CCNG1: variants seen among roughly 807,000 people sequenced by gnomAD.
CCNG1 encodes the protein cyclin-G1.
Under a neutral mutation model 30.0 loss-of-function variants are expected in CCNG1, and 13 were observed. The observed-to-expected ratio is 0.43, with a 90% CI of 0.28 to 0.69. The LOEUF is 0.69. Among genes scored for constraint, CCNG1 ranks in the 30% least tolerant of loss-of-function variants. The pLI is 0.16. For missense variants in CCNG1, 285 were observed against 331.4 expected (o/e 0.86, Z 1.09); for synonymous variants, 110 against 121.5 (o/e 0.91, Z 0.62).
the CCNG1 span, among the ~76,000 whole-genome samples, chr5:163,454,639 C>G: frequency 6.6e-6 from 1 of 152,190 alleles, no homozygotes; most frequent in African/African-American, 2.4e-5. Flanking sequence ...TGGCGCCCAG[C>G]CTATAGCTAG....
the CCNG1 span, chr5:163,452,194 A>T: frequency 2.0e-5 from 3 of 152,236 alleles, no homozygotes; most frequent in African/African-American, 7.2e-5. Flanking sequence ...GGTTTTCAAT[A>T]TACATAGATG....
In CCNG1 at chr5:163,439,451, C is replaced by A. The variant is rs775019648; in HGVS notation, c.195C>A (p.Phe65Leu). ...EVKDLLSLTQFFGFDTETFSL... is the reference protein window; with the variant it reads ...EVKDLLSLTQLFGFDTETFSL... Reference sequence around the variant, plus strand: ...AAGATCTTCTTAGTCTAACTCAGTTCTTTGGCTTTGACACAGAGACATTTT... The same window carrying A: ...AAGATCTTCTTAGTCTAACTCAGTTATTTGGCTTTGACACAGAGACATTTT... The change falls in exon 2 of 7, where the codon TTC (phenylalanine) becomes TTA (leucine). Residue 65 changes from phenylalanine (F) to leucine (L), a missense_variant. Coordinates refer to ENST00000340828, the MANE Select transcript of CCNG1 (RefSeq NM_004060.4). The A allele has an allele frequency of 5.6e-6, 9 of 1,613,936 alleles. No homozygotes were observed. Among genetic ancestry groups the A allele is most frequent in the Non-Finnish European group, 7.6e-6 (9 of 1,179,824 alleles).
intron 1 of CCNG1, among the ~76,000 whole-genome samples, chr5:163,438,808 A>T (rs1349065135): frequency 6.6e-6 from 1 of 152,108 alleles, no homozygotes; most frequent in East Asian, 1.9e-4. Context: ...CGGGCAGATC[A>T]CAAGGCCAGG....
chr5:163,449,882 T>C (rs994402593), downstream of CCNG1: 21 of 152,086 alleles, frequency 1.4e-4, no homozygotes, highest in African/African-American at 5.1e-4. Context: ...CTACCTAAAT[T>C]TCACAGCTTA....
chr5:163,443,833 A>G lies in CCNG1; in HGVS notation c.*163A>G, dbSNP rs571492146. On this transcript the variant is annotated 3_prime_UTR_variant, in exon 7 of 7. Transcript: ENST00000340828. Reference sequence around the variant, plus strand: ...GGAAAACTGCCTAATATTATGCTGTAGTGGAATTATGTTTAGATTTGAATT... The same window carrying G: ...GGAAAACTGCCTAATATTATGCTGTGGTGGAATTATGTTTAGATTTGAATT... 5 of 670,682 alleles carry G rather than the reference A, an allele frequency of 7.5e-6. No homozygotes were observed. The highest frequency in any genetic ancestry group is 3.6e-5 in the African/African-American group (2 of 54,856). 41.5% of individuals were successfully genotyped at this position (670,682 alleles called of 1,614,324 possible). A position where few individuals can be genotyped will look rare whatever the true frequency, so the allele number is the denominator to read the frequency against.
intron 1 of CCNG1, among the ~76,000 whole-genome samples, chr5:163,438,390 T>C (rs546647540): frequency 6.6e-6 from 1 of 152,238 alleles, no homozygotes; most frequent in African/African-American, 2.4e-5. Flanking sequence ...CAGCGACAGA[T>C]ATTGTTACCC....
chr5:163,457,123 A>C, the CCNG1 span: 1 of 1,506,568 alleles, frequency 6.6e-7, no homozygotes, highest in South Asian at 1.3e-5. Context: ...AATAAATTAG[A>C]GTTCTTCATC....
chr5:163,448,784 G>A (rs1360888710), downstream of CCNG1: 1 of 152,154 alleles, frequency 6.6e-6, no homozygotes, highest in East Asian at 1.9e-4. Flanking sequence ...CCAAGTTTGG[G>A]GTTGGGAGGA....
At chr5:163,442,912 G>A (rs1757892474) in intron 6 of CCNG1, among the ~76,000 whole-genome samples, 1 of 151,994 alleles carries the variant, frequency 6.6e-6, no homozygotes, top group Non-Finnish European at 1.5e-5. Context: ...AATTACATAA[G>A]CTGAGCAGGA....
At position 163,441,843 on chromosome 5, in the gene CCNG1, T is replaced by A. The variant is rs1353156385; in HGVS notation, c.519-43T>A. On this transcript the variant is annotated intron_variant, in intron 3 of 6. Transcript: ENST00000340828. Reference sequence around the variant, plus strand: ...TTTCTAAAAACATCTTTTGACTAGATGTAGTATTACCTAATAAAAGTAATA... The same window carrying A: ...TTTCTAAAAACATCTTTTGACTAGAAGTAGTATTACCTAATAAAAGTAATA... 5 of 1,169,268 alleles carry A rather than the reference T, an allele frequency of 4.3e-6. No homozygotes were observed. In the East Asian group the frequency reaches 1.2e-4, roughly 27 times the overall value. 72.4% of individuals were successfully genotyped at this position (1,169,268 alleles called of 1,614,324 possible). A position where few individuals can be genotyped will look rare whatever the true frequency, so the allele number is the denominator to read the frequency against.
chr5:163,439,180 G>A, intron 1 of CCNG1, 77 bp from the exon 2 acceptor site: 1 of 1,283,280 alleles, frequency 7.8e-7, no homozygotes, highest in Non-Finnish European at 1.1e-6. Context: ...TCATTTCTTG[G>A]CCCAGTGCAA....
chr5:163,450,080 A>G (rs1240496401), downstream of CCNG1: 4 of 151,970 alleles, frequency 2.6e-5, no homozygotes, highest in Non-Finnish European at 4.4e-5. Flanking sequence ...GTGAAATCCC[A>G]ACTCTACTAA....
At chr5:163,451,346 G>A in the CCNG1 span, 11 of 152,162 alleles carry the variant, frequency 7.2e-5, no homozygotes, top group African/African-American at 2.4e-4. Context: ...AAAATATGGA[G>A]ATGGGGATTA....
the CCNG1 span, among the ~76,000 whole-genome samples, chr5:163,455,298 T>C: frequency 2.0e-5 from 3 of 152,342 alleles, no homozygotes; most frequent in African/African-American, 4.8e-5. Flanking sequence ...TGGGCTGACA[T>C]GTTCTTTAAG....
At chr5:163,454,119 T>C in the CCNG1 span, 2 of 762,742 alleles carry the variant, frequency 2.6e-6, no homozygotes, top group East Asian at 3.0e-5. Context: ...AAACTGGCAA[T>C]TGATAAAAAA....
chr5:163,454,633 G>A, the CCNG1 span, among the ~76,000 whole-genome samples: 11 of 152,184 alleles, frequency 7.2e-5, no homozygotes, highest in Non-Finnish European at 1.5e-4. Flanking sequence ...GAGCCATGGC[G>A]CCCAGCCTAT....
chr5:163,441,364 T>A, intron 3 of CCNG1, 33 bp downstream of exon 3: 1 of 1,595,366 alleles, frequency 6.3e-7, no homozygotes, highest in African/African-American at 1.3e-5. Flanking sequence ...AAGAGACATT[T>A]GGAAATCAGA....
chr5:163,441,040 G>T, intron 2 of CCNG1, 38 bp from the exon 3 acceptor site: 2 of 1,573,974 alleles, frequency 1.3e-6, no homozygotes, highest in Admixed American at 1.9e-5. Flanking sequence ...AAATAAGGTA[G>T]AGTCATGGGC....
At chr5:163,441,522 C>A in intron 3 of CCNG1, 191 bp downstream of exon 3, 2 of 565,098 alleles carry the variant, frequency 3.5e-6, no homozygotes, top group South Asian at 5.8e-5. Flanking sequence ...AAAGCTAATT[C>A]TTGGGATTAA....
Sources: allele counts gnomAD v4.1 joint callset (sites outside exome capture counted in the v4.1 genomes callset), GRCh38; gene constraint gnomAD v4.1.1; transcripts MANE v1.5; gene names NCBI Gene and HGNC (gene_info 2026-07-23, HGNC 2026-07-21).